Variants in AZIN1 observed in about 807,000 individuals in gnomAD.
The protein encoded by AZIN1 is ornithine decarboxylase antizyme inhibitor.
AZIN1 carries 12 observed loss-of-function variants against 47.4 expected under a neutral mutation model. The ratio of observed to expected loss-of-function variants is 0.25; its 90% CI spans 0.16 to 0.41. The LOEUF is 0.41. Among genes scored for constraint, AZIN1 ranks in the 10% least tolerant of loss-of-function variants. The pLI, the probability that AZIN1 is intolerant of heterozygous loss-of-function variation, is 1.00. For synonymous variants in AZIN1, 155 were observed against 176.3 expected (o/e 0.88, Z 0.96); for missense variants, 410 against 532.4 (o/e 0.77, Z 2.26).
intron 9 of AZIN1, among the ~76,000 whole-genome samples, chr8:102,830,950 C>A (rs2131192953): frequency 6.6e-6 from 1 of 152,274 alleles, no homozygotes; most frequent in African/African-American, 2.4e-5. Flanking sequence ...ATCAATAGAT[C>A]CTCTCACCTC....
chr8:102,849,319 C>T lies in AZIN1; in HGVS notation c.-95-5572G>A, dbSNP rs562021862. On this transcript the variant is annotated intron_variant, in intron 2 of 11. Coordinates refer to ENST00000337198, the MANE Select transcript of AZIN1 (RefSeq NM_148174.4). ...AACAAAAACAAGAAACAAAAACCCCCGCACAGGGACTCTTTCCAGGACGTC... is the reference window on the plus strand; with the variant it reads ...AACAAAAACAAGAAACAAAAACCCCTGCACAGGGACTCTTTCCAGGACGTC... Among the ~76,000 whole-genome samples, 35 of 152,032 alleles carry T rather than the reference C, an allele frequency of 2.3e-4. No individual in the cohort carries two copies. In the South Asian group the frequency reaches 4.4e-3, roughly 19 times the overall value.
At chr8:102,858,723 T>C (rs1022978702) in intron 1 of AZIN1, among the ~76,000 whole-genome samples, 1 of 152,210 alleles carries the variant, frequency 6.6e-6, no homozygotes, top group Non-Finnish European at 1.5e-5. Context: ...AAACATAAAA[T>C]AACTTGAGAA....
At chr8:102,834,287 A>G in intron 7 of AZIN1, 24 bp from the exon 8 acceptor site, 2 of 1,590,472 alleles carry the variant, frequency 1.3e-6, no homozygotes, top group Non-Finnish European at 1.7e-6. Context: ...AAAAAAATTT[A>G]AATGTTTTTC....
At chr8:102,831,591 T>C (rs1338096094) in intron 9 of AZIN1, among the ~76,000 whole-genome samples, 1 of 139,700 alleles carries the variant, frequency 7.2e-6, no homozygotes, top group African/African-American at 2.7e-5. Flanking sequence ...TGCAGTGAGC[T>C]GAGATCATGC....
chr8:102,849,940 C>T (rs943834450), intron 2 of AZIN1: 11 of 152,172 alleles, frequency 7.2e-5, no homozygotes, highest in African/African-American at 2.2e-4. Flanking sequence ...TCATGTTCAT[C>T]GACAGGGTAG....
chr8:102,844,917 T>C (rs1297665109), intron 2 of AZIN1, among the ~76,000 whole-genome samples: 1 of 152,132 alleles, frequency 6.6e-6, no homozygotes, highest in Non-Finnish European at 1.5e-5. Context: ...TATACTGACA[T>C]AAAGGTTTAT....
At chr8:102,863,143 G>A (rs1350176786) in intron 1 of AZIN1, among the ~76,000 whole-genome samples, 1 of 152,226 alleles carries the variant, frequency 6.6e-6, no homozygotes, top group South Asian at 2.1e-4. Flanking sequence ...GCCTCTCGCT[G>A]GCTACCTGAC....
At chr8:102,843,401 AG>A (rs1468852344) in intron 3 of AZIN1, 149 bp downstream of exon 3, 1 of 622,098 alleles carries the variant, frequency 1.6e-6, no homozygotes, top group Non-Finnish European at 2.8e-6. Context: ...TCACTACTCA[AG>A]GGGAGTGGGT....
chr8:102,830,412 A>C (rs1332347053), intron 9 of AZIN1, among the ~76,000 whole-genome samples: 2 of 151,594 alleles, frequency 1.3e-5, no homozygotes, highest in African/African-American at 4.8e-5. Flanking sequence ...AAAAAAAAAA[A>C]AAAAAAAAGA....
Position 102,828,609 on chromosome 8 carries a change from G to T in AZIN1, c.1305C>A (p.Cys435Ter). The T allele has an allele frequency of 6.2e-7, 1 of 1,611,772 alleles. No individual in the cohort carries two copies. Among genetic ancestry groups the T allele is most frequent in the Non-Finnish European group, 8.5e-7 (1 of 1,178,150 alleles). Residue 435 changes from cysteine (C) to a stop codon, truncating the protein, a stop_gained, in exon 12 of 12, where the codon TGC (cysteine) becomes TGA (stop). Coordinates refer to ENST00000337198, the MANE Select transcript of AZIN1 (RefSeq NM_148174.4). LOFTEE classifies it high-confidence loss of function. ...MMKNFFFVPS[C>*]IQLSQEDSFS... ...AGCTGTCTTCTTGGCTCAGCTGAAT[G>T]CAAGAAGGCACAAAGAAGAAGTTCT...
At chr8:102,854,624 A>ATTT (rs1400631878) in intron 2 of AZIN1, 24 of 126,200 alleles carry the variant, frequency 1.9e-4, no homozygotes, top group South Asian at 4.6e-4. Flanking sequence ...ATATATATAT[A>ATTT]TATTTTTTTT....
At chr8:102,832,507 T>C (rs1320195916) in intron 9 of AZIN1, among the ~76,000 whole-genome samples, 1 of 152,108 alleles carries the variant, frequency 6.6e-6, no homozygotes, top group Non-Finnish European at 1.5e-5. Context: ...ACAGAAAAGA[T>C]CACAATAAAA....
In AZIN1 at chr8:102,834,350, A is replaced by G. The variant is rs1331089571; in HGVS notation, c.667-87T>C. On this transcript the variant is annotated intron_variant, in intron 7 of 11. Coordinates refer to ENST00000337198, the MANE Select transcript of AZIN1 (RefSeq NM_148174.4). ...TAAAAACCCCCTCCTAGGGAGGTAA[A>G]TATCTGTTCTGATCTTTAGTACAGC... The G allele has an allele frequency of 7.3e-6, 8 of 1,088,876 alleles. No individual in the cohort carries two copies. In the East Asian group the frequency reaches 9.7e-5, roughly 13 times the overall value. The allele number at this position is 1,088,876 out of a possible 1,614,324, so 67.5% of individuals were successfully genotyped here. A position where few individuals can be genotyped will look rare whatever the true frequency, so the allele number is the denominator to read the frequency against.
In AZIN1 at chr8:102,826,638, G is replaced by A. The variant is rs551613855; in HGVS notation, c.*1929C>T. 2 of 152,654 alleles carry A rather than the reference G, an allele frequency of 1.3e-5. No homozygotes were observed. Among genetic ancestry groups the A allele is most frequent in the Admixed American group, 1.3e-4 (2 of 15,284 alleles). 9.5% of individuals were successfully genotyped at this position (152,654 alleles called of 1,614,324 possible). ...ATTCACATGTGATATTTGCAACTCTGAGCTATTTCTTATAGAACAGCTCTC... is the reference window on the plus strand; with the variant it reads ...ATTCACATGTGATATTTGCAACTCTAAGCTATTTCTTATAGAACAGCTCTC... On this transcript the variant is annotated 3_prime_UTR_variant, in exon 12 of 12. Coordinates refer to ENST00000337198, the MANE Select transcript of AZIN1 (RefSeq NM_148174.4).
chr8:102,836,194 C>G, intron 6 of AZIN1, 62 bp downstream of exon 6: 3 of 1,508,576 alleles, frequency 2.0e-6, no homozygotes. Flanking sequence ...AATCAATAAC[C>G]AGAAAGACAG....
At chr8:102,833,595 C>T (rs142424020) in intron 8 of AZIN1, among the ~76,000 whole-genome samples, 14 of 151,902 alleles carry the variant, frequency 9.2e-5, no homozygotes, top group Non-Finnish European at 1.5e-4. Flanking sequence ...ACAGGTGTGA[C>T]GTGTATCTGG....
intron 3 of AZIN1, among the ~76,000 whole-genome samples, chr8:102,842,662 C>T (rs1018026852): frequency 1.3e-5 from 2 of 148,532 alleles, no homozygotes; most frequent in South Asian, 2.1e-4. Flanking sequence ...AGCCGAGATA[C>T]TGCCATTGCC....
intron 9 of AZIN1, among the ~76,000 whole-genome samples, chr8:102,830,980 C>G (rs145063952): frequency 6.6e-6 from 1 of 152,154 alleles, no homozygotes; most frequent in South Asian, 2.1e-4. Context: ...CCTTTGAAAA[C>G]GCCCATTCTA....
chr8:102,849,080 G>A (rs1444604224), intron 2 of AZIN1, among the ~76,000 whole-genome samples: 1 of 152,112 alleles, frequency 6.6e-6, no homozygotes, highest in African/African-American at 2.4e-5. Flanking sequence ...GGCAGATCAC[G>A]AGGTTGAGAT....
Sources: gnomAD v4.1 joint callset for allele counts (sites outside exome capture counted in the v4.1 genomes callset) on GRCh38, gnomAD v4.1.1 for gene constraint, MANE v1.5 for transcripts, NCBI Gene and HGNC (gene_info 2026-07-23, HGNC 2026-07-21) for gene names.